The following NAP1L1 variants were observed in gnomAD, a reference collection of about 807,000 sequenced individuals.
NAP1L1 encodes the protein nucleosome assembly protein 1 like 1.
A neutral mutation model predicts 58.9 loss-of-function variants in NAP1L1; 9 were observed. The observed-to-expected ratio is 0.15, with a 90% CI of 0.09 to 0.27. The LOEUF is 0.27. Ranked by LOEUF, NAP1L1 falls within the 10% of genes least tolerant of loss-of-function variation. The pLI is 1.00. For synonymous variants in NAP1L1, 130 were observed against 138.3 expected (o/e 0.94, Z 0.42); for missense variants, 302 against 458.8 (o/e 0.66, Z 3.12).
intron 4 of NAP1L1, among the ~76,000 whole-genome samples, chr12:76,066,133 T>TAAAC (rs761108002): frequency 1.0e-4 from 11 of 109,700 alleles, no homozygotes; most frequent in Non-Finnish European, 1.6e-4. Flanking sequence ...AATAAATAAA[T>TAAAC]AAATAAACAA....
At chr12:76,064,978 A>G (rs1230248593) in intron 4 of NAP1L1, among the ~76,000 whole-genome samples, 4 of 152,108 alleles carry the variant, frequency 2.6e-5, no homozygotes. Context: ...CTTGACTCCA[A>G]AAACCAGTTA....
At chr12:76,078,483 C>T (rs1950282117) in intron 1 of NAP1L1, among the ~76,000 whole-genome samples, 2 of 152,094 alleles carry the variant, frequency 1.3e-5, no homozygotes, top group Non-Finnish European at 2.9e-5. Context: ...GAAAATATAA[C>T]AGAAATCAAT....
intron 5 of NAP1L1, 120 bp from the exon 6 acceptor site, chr12:76,059,998 T>C: frequency 8.6e-7 from 1 of 1,163,886 alleles, no homozygotes; most frequent in Non-Finnish European, 1.2e-6. Context: ...TTAACTGCTA[T>C]TATTGATAGT....
chr12:76,071,400 T>C (rs980246612), intron 2 of NAP1L1, among the ~76,000 whole-genome samples: 6 of 152,216 alleles, frequency 3.9e-5, no homozygotes, highest in African/African-American at 1.4e-4. Context: ...AAAGTTAAGA[T>C]GGCAGATGCC....
At position 76,036,862 on chromosome 12, in the gene NAP1L1, C is replaced by T; in HGVS notation, c.*11567G>A. On this transcript the variant is annotated 3_prime_UTR_variant, in exon 15 of 15. Transcript: ENST00000618691. The stretch of plus-strand genomic sequence containing the variant: ...CTGAGGCAGGCGGATTGCCTGAGGT[C>T]AGGAGCTCGACACAAGTCTGGCCAA... 6.6e-6 allele frequency: 1 copy of T among 150,836 alleles called. No individual in the cohort carries two copies. The highest frequency in any genetic ancestry group is 1.5e-5 in the Non-Finnish European group (1 of 67,864). The allele number at this position is 150,836 out of a possible 1,614,324, so 9.3% of individuals were successfully genotyped here.
intron 1 of NAP1L1, 132 bp from the exon 2 acceptor site, chr12:76,074,371 T>C (rs751375737): frequency 4.6e-5 from 62 of 1,338,564 alleles, no homozygotes; most frequent in Non-Finnish European, 5.9e-5. Flanking sequence ...TAAAATACTA[T>C]CAGTGTTAAG....
In NAP1L1 at chr12:76,053,292, G is replaced by T; in HGVS notation, c.829C>A (p.Gln277Lys). 6.2e-7 allele frequency: 1 copy of T among 1,613,912 alleles called. No individual in the cohort carries two copies. The highest frequency in any genetic ancestry group is 8.5e-7 in the Non-Finnish European group (1 of 1,179,914). Residue 277 changes from glutamine (Q) to lysine (K), a missense_variant, in exon 10 of 15, where the codon CAG becomes AAG. Physicochemically the swap from Gln to Lys is moderately conservative, Grantham distance 53 (BLOSUM62 1). Coordinates refer to ENST00000618691, the MANE Select transcript of NAP1L1 (RefSeq NM_004537.7). ...ACTGTCCCACGTCCCTTGTGTTTCT[G>T]CTTCTTCTTAATAGTTTTCAAAGTG... ...NVTLKTIKKKQKHKGRGTVRT... is the reference protein window; with the variant it reads ...NVTLKTIKKKKKHKGRGTVRT...
rs1948533688 is a variant in NAP1L1, at chr12:76,039,845, C to T, written c.*8584G>A. 6.6e-6 allele frequency: 1 copy of T among 152,132 alleles called. No individual in the cohort carries two copies. Among genetic ancestry groups the T allele is most frequent in the Non-Finnish European group, 1.5e-5 (1 of 68,010 alleles). 9.4% of individuals were successfully genotyped at this position (152,132 alleles called of 1,614,324 possible). ...TGTTAAACGAACACTTAGTTCTCCC[C>T]AAATTGCTGATTAATACTGTAAACT... On this transcript the variant is annotated 3_prime_UTR_variant, in exon 15 of 15. Coordinates refer to ENST00000618691, the MANE Select transcript of NAP1L1 (RefSeq NM_004537.7).
chr12:76,057,465 ATT>A, intron 6 of NAP1L1: 1 of 633,632 alleles, frequency 1.6e-6, no homozygotes, highest in East Asian at 3.0e-5. Context: ...AACGAGTTGC[ATT>A]TGTCGGCTCA....
chr12:76,045,342 T>C lies in NAP1L1; in HGVS notation c.*3087A>G, dbSNP rs1948590346. 6.6e-6 allele frequency: 1 copy of C among 152,144 alleles called. No homozygotes were observed. Among genetic ancestry groups the C allele is most frequent in the African/African-American group, 2.4e-5 (1 of 41,466 alleles). The allele number at this position is 152,144 out of a possible 1,614,324, so 9.4% of individuals were successfully genotyped here. The stretch of plus-strand genomic sequence containing the variant: ...AAACCAAAGCATTCAAATATTTGAA[T>C]ATTAGTTCAATATTTCTACATAGCA... On this transcript the variant is annotated 3_prime_UTR_variant, in exon 15 of 15. Coordinates refer to ENST00000618691, the MANE Select transcript of NAP1L1 (RefSeq NM_004537.7).
intron 6 of NAP1L1, 81 bp from the exon 7 acceptor site, chr12:76,056,242 GCA>G (rs1949078822): frequency 1.4e-6 from 2 of 1,380,490 alleles, no homozygotes; most frequent in Non-Finnish European, 2.0e-6. Context: ...AAACCAAAAA[GCA>G]CAGTCACCAG....
At chr12:76,082,597 C>G (rs1592715698) in intron 1 of NAP1L1, among the ~76,000 whole-genome samples, 1 of 152,128 alleles carries the variant, frequency 6.6e-6, no homozygotes, top group East Asian at 1.9e-4. Flanking sequence ...CCAAGTCCAC[C>G]TACCAGGGTT....
At chr12:76,056,272 C>G (rs1327881282) in intron 6 of NAP1L1, 111 bp from the exon 7 acceptor site, 4 of 1,115,770 alleles carry the variant, frequency 3.6e-6, no homozygotes, top group South Asian at 3.2e-5. Context: ...CTTCAAAGTT[C>G]TAGTCTATCT....
Position 76,037,355 on chromosome 12 carries a change from T to C in NAP1L1, c.*11074A>G, listed in dbSNP as rs1288267573. 2 of 152,270 alleles carry C rather than the reference T, an allele frequency of 1.3e-5. No individual in the cohort carries two copies. The highest frequency in any genetic ancestry group is 2.4e-5 in the African/African-American group (1 of 41,420). 9.4% of individuals were successfully genotyped at this position (152,270 alleles called of 1,614,324 possible). A position where few individuals can be genotyped will look rare whatever the true frequency, so the allele number is the denominator to read the frequency against. The stretch of plus-strand genomic sequence containing the variant: ...TGCTTTATAATGAGTGCTTAGCGCT[T>C]TTTTTTAACTGTAGTACAAACACAA... On this transcript the variant is annotated 3_prime_UTR_variant, in exon 15 of 15. Coordinates refer to ENST00000618691, the MANE Select transcript of NAP1L1 (RefSeq NM_004537.7).
Position 76,048,286 on chromosome 12 carries a change from C to CT in NAP1L1, c.*142dup. 1 of 856,434 alleles carries CT rather than the reference C, an allele frequency of 1.2e-6. No individual in the cohort carries two copies. The highest frequency in any genetic ancestry group is 1.8e-5 in the South Asian group (1 of 54,428). The allele number at this position is 856,434 out of a possible 1,614,324, so 53.1% of individuals were successfully genotyped here. Reference sequence around the variant, plus strand: ...AAAATGCTAGGTAGAACAAATTGGTCTTTAAAATATCAGTTTCCTGTCCTT... The same window carrying CT: ...AAAATGCTAGGTAGAACAAATTGGTCTTTTAAAATATCAGTTTCCTGTCCTT... On this transcript the variant is annotated 3_prime_UTR_variant, in exon 15 of 15. Coordinates refer to ENST00000618691, the MANE Select transcript of NAP1L1 (RefSeq NM_004537.7).
chr12:76,054,006 A>G (rs1948958751), intron 8 of NAP1L1, 97 bp from the exon 9 acceptor site: 8 of 1,259,818 alleles, frequency 6.4e-6, no homozygotes, highest in Non-Finnish European at 8.4e-6. Context: ...AATATTCTAA[A>G]TGATAATTTT....
intron 3 of NAP1L1, 130 bp downstream of exon 3, chr12:76,068,779 C>CACACACACACAA (rs1555184946): frequency 3.1e-6 from 2 of 643,770 alleles, no homozygotes; most frequent in Non-Finnish European, 5.6e-6. Context: ...CACACACACA[C>CACACACACACAA]TAGAAGTATG....
At position 76,039,857 on chromosome 12, in the gene NAP1L1, T is replaced by C. The variant is rs573512811; in HGVS notation, c.*8572A>G. On this transcript the variant is annotated 3_prime_UTR_variant, in exon 15 of 15. Coordinates refer to ENST00000618691, the MANE Select transcript of NAP1L1 (RefSeq NM_004537.7). ...ACTTAGTTCTCCCCAAATTGCTGAT[T>C]AATACTGTAAACTGAAATCCCACTA... The C allele has an allele frequency of 6.6e-6, 1 of 152,350 alleles. No individual in the cohort carries two copies. The highest frequency in any genetic ancestry group is 2.1e-4 in the South Asian group (1 of 4,830). 9.4% of individuals were successfully genotyped at this position (152,350 alleles called of 1,614,324 possible). A position where few individuals can be genotyped will look rare whatever the true frequency, so the allele number is the denominator to read the frequency against.
chr12:76,073,184 C>T (rs555022114), intron 2 of NAP1L1, among the ~76,000 whole-genome samples: 2 of 151,712 alleles, frequency 1.3e-5, no homozygotes, highest in South Asian at 2.1e-4. Flanking sequence ...AGATAAAATG[C>T]GTAAGAGTGG....
Sources: allele counts gnomAD v4.1 joint callset (sites outside exome capture counted in the v4.1 genomes callset), GRCh38; gene constraint gnomAD v4.1.1; transcripts MANE v1.5; gene names NCBI Gene and HGNC (gene_info 2026-07-23, HGNC 2026-07-21).